Variants in SPATA6L observed in about 807,000 individuals in gnomAD.
SPATA6L encodes the protein spermatogenesis associated 6-like protein.
A neutral mutation model predicts 49.2 loss-of-function variants in SPATA6L; 68 were observed. That is an observed-to-expected ratio of 1.38 (90% CI 1.14 to 1.69). SPATA6L has a LOEUF of 1.69. SPATA6L is among the 40% of genes most tolerant of loss of function. The probability of loss-of-function intolerance (pLI) is 0.00; values close to 1 mark genes in which losing one functional copy is unlikely to be tolerated. For missense variants in SPATA6L, 668 were observed against 464.3 expected (o/e 1.44, Z -4.03); for synonymous variants, 198 against 165.7 (o/e 1.19, Z -1.50).
At chr9:4,643,399 A>G (rs1325913670) in intron 3 of SPATA6L, among the ~76,000 whole-genome samples, 1 of 152,214 alleles carries the variant, frequency 6.6e-6, no homozygotes, top group Admixed American at 6.5e-5. Context: ...GAAGTATTGG[A>G]ACCTTATTGG....
At chr9:4,657,729 G>A (rs911934844) in intron 2 of SPATA6L, among the ~76,000 whole-genome samples, 1 of 152,062 alleles carries the variant, frequency 6.6e-6, no homozygotes, top group Non-Finnish European at 1.5e-5. Flanking sequence ...TTAATTTGTT[G>A]GAGTGGAAAG....
chr9:4,644,333 A>ATCT lies in SPATA6L; in HGVS notation c.227-8937_227-8935dup, dbSNP rs537312838. On this transcript the variant is annotated intron_variant, in intron 3 of 11. Transcript: ENST00000682582. ...CATTCAGTCTGAGTGACAGAGTGAG[A>ATCT]TCTTGTCTCAAAAAATATATATAAA... Among the ~76,000 whole-genome samples, 8 of 151,698 alleles carry ATCT rather than the reference A, an allele frequency of 5.3e-5. No individual in the cohort carries two copies. In the East Asian group the frequency reaches 1.5e-3, roughly 29 times the overall value.
chr9:4,613,474 G>C (rs573143797), intron 9 of SPATA6L, among the ~76,000 whole-genome samples: 3 of 120,860 alleles, frequency 2.5e-5, no homozygotes, highest in East Asian at 5.0e-4. Flanking sequence ...CAGTATGAAT[G>C]GATCTACACA....
At chr9:4,632,109 G>C (rs868416173) in intron 4 of SPATA6L, among the ~76,000 whole-genome samples, 16 of 137,760 alleles carry the variant, frequency 1.2e-4, no homozygotes, top group Admixed American at 6.9e-4. Context: ...GCATGATCTT[G>C]GCTCACTCTG....
At chr9:4,654,484 G>A (rs1206590637) in intron 3 of SPATA6L, among the ~76,000 whole-genome samples, 1 of 152,168 alleles carries the variant, frequency 6.6e-6, no homozygotes, top group Non-Finnish European at 1.5e-5. Context: ...GTCTATAGGT[G>A]GCTTGTGTTA....
intron 5 of SPATA6L, chr9:4,627,579 T>A: frequency 2.4e-6 from 1 of 414,712 alleles, no homozygotes; most frequent in South Asian, 2.1e-5. Flanking sequence ...ACAAACTACC[T>A]TTATTCCTTC....
intron 9 of SPATA6L, among the ~76,000 whole-genome samples, chr9:4,606,306 G>A (rs958354820): frequency 1.4e-5 from 2 of 143,496 alleles, no homozygotes; most frequent in Non-Finnish European, 3.0e-5. Context: ...ACAGCTCAAG[G>A]AGGCCTGCCT....
chr9:4,597,225 G>C (rs1365367988), downstream of SPATA6L, among the ~76,000 whole-genome samples: 1 of 151,920 alleles, frequency 6.6e-6, no homozygotes, highest in African/African-American at 2.4e-5. Flanking sequence ...GGCCGAGGCG[G>C]CAGATCACTT....
At chr9:4,656,159 C>T in intron 2 of SPATA6L, 70 bp from the exon 3 acceptor site, 2 of 1,317,976 alleles carry the variant, frequency 1.5e-6, no homozygotes, top group Non-Finnish European at 1.1e-6. Context: ...ACTGTAAATG[C>T]CAGGTGCAGT....
At chr9:4,613,508 C>G (rs1827260118) in intron 9 of SPATA6L, among the ~76,000 whole-genome samples, 2 of 152,068 alleles carry the variant, frequency 1.3e-5, no homozygotes, top group Non-Finnish European at 2.9e-5. Context: ...CCCAAGAAAA[C>G]AACTCATAGT....
chr9:4,662,242 G>T lies in SPATA6L; in HGVS notation c.40-206C>A. Reference sequence around the variant, plus strand: ...CCAACTCCCTCCCACGTCTCCACCAGGTGTCACAATCGCGCTCTCGCCGGC... The same window carrying T: ...CCAACTCCCTCCCACGTCTCCACCATGTGTCACAATCGCGCTCTCGCCGGC... On this transcript the variant is annotated intron_variant, in intron 1 of 11. Transcript: ENST00000682582. This position sits in a 1 kb window ranked among gnomAD's most constrained non-coding sequence, Gnocchi z 4.9. 7.0e-7 allele frequency: 1 copy of T among 1,433,884 alleles called. No individual in the cohort carries two copies. Among genetic ancestry groups the T allele is most frequent in the Non-Finnish European group, 9.1e-7 (1 of 1,099,756 alleles). 88.8% of individuals were successfully genotyped at this position (1,433,884 alleles called of 1,614,324 possible). A position where few individuals can be genotyped will look rare whatever the true frequency, so the allele number is the denominator to read the frequency against.
chr9:4,632,826 T>C (rs1360787224), intron 4 of SPATA6L, among the ~76,000 whole-genome samples: 1 of 152,174 alleles, frequency 6.6e-6, no homozygotes, highest in Admixed American at 6.5e-5. Flanking sequence ...GCAGAGGAAA[T>C]ACCTGCCAAA....
chr9:4,590,543 A>C (rs891999744), intron 13 of SPATA6L, among the ~76,000 whole-genome samples: 8 of 152,062 alleles, frequency 5.3e-5, no homozygotes, highest in Non-Finnish European at 1.2e-4. Flanking sequence ...TTATGAGTAA[A>C]CCCCCAAAAG....
intron 7 of SPATA6L, among the ~76,000 whole-genome samples, chr9:4,621,306 A>G (rs985678200): frequency 6.6e-6 from 1 of 152,180 alleles, no homozygotes; most frequent in African/African-American, 2.4e-5. Context: ...TGGTCCAGGG[A>G]TCTCCCCCAG....
At chr9:4,626,445 C>G in intron 5 of SPATA6L, 1 of 1,304,316 alleles carries the variant, frequency 7.7e-7, no homozygotes, top group Non-Finnish European at 1.0e-6. Context: ...CCTGAAGAAG[C>G]ATCCAGGAAA....
chr9:4,611,292 T>C, intron 9 of SPATA6L, among the ~76,000 whole-genome samples: 2 of 146,976 alleles, frequency 1.4e-5, no homozygotes, highest in Non-Finnish European at 3.0e-5. Context: ...GCCATCCCAT[T>C]ACTGGGTATA....
intron 9 of SPATA6L, among the ~76,000 whole-genome samples, chr9:4,615,701 G>T (rs987235694): frequency 1.3e-5 from 2 of 152,152 alleles, no homozygotes; most frequent in African/African-American, 2.4e-5. Context: ...TGACAAGGGG[G>T]TATGTCTGCC....
chr9:4,619,194 G>A (rs1412089348), intron 7 of SPATA6L, among the ~76,000 whole-genome samples: 1 of 125,744 alleles, frequency 8.0e-6, no homozygotes, highest in African/African-American at 3.2e-5. Flanking sequence ...GTCTCACACT[G>A]TCGCCCAGGC....
intron 7 of SPATA6L, among the ~76,000 whole-genome samples, chr9:4,620,950 C>T (rs1304842946): frequency 6.6e-6 from 1 of 152,234 alleles, no homozygotes; most frequent in Non-Finnish European, 1.5e-5. Context: ...TGATGAAGCA[C>T]ATTCTGCTTC....
Sources: gnomAD v4.1 joint callset for allele counts (sites outside exome capture counted in the v4.1 genomes callset) on GRCh38, gnomAD v4.1.1 for gene constraint, Gnocchi (gnomAD v3.1) non-coding constraint, MANE v1.5 for transcripts, NCBI Gene and HGNC (gene_info 2026-07-23, HGNC 2026-07-21) for gene names.